APPL2: variants seen among roughly 807,000 people sequenced by gnomAD.
APPL2 encodes the protein adaptor protein, phosphotyrosine interacting with PH domain and leucine zipper 2, also known as DCC-interacting protein 13-beta.
In APPL2, 84 loss-of-function variants were observed where a neutral mutation model predicts 92.7. That is an observed-to-expected ratio of 0.91 (90% CI 0.76 to 1.09). APPL2 has a LOEUF of 1.09. Ranked by LOEUF, APPL2 falls within the 50% of genes least tolerant of loss-of-function variation. APPL2 has a pLI of 0.00. For synonymous variants in APPL2, 291 were observed against 291.0 expected (o/e 1.00, Z 0.00); for missense variants, 736 against 824.5 (o/e 0.89, Z 1.31).
intron 17 of APPL2, among the ~76,000 whole-genome samples, chr12:105,179,349 G>A (rs911688277): frequency 1.3e-5 from 2 of 152,176 alleles, no homozygotes; most frequent in Non-Finnish European, 2.9e-5. Context: ...GTATTCCTTG[G>A]TGTATATGTG....
intron 17 of APPL2, among the ~76,000 whole-genome samples, chr12:105,187,554 T>G (rs1886838158): frequency 1.3e-5 from 2 of 152,126 alleles, no homozygotes; most frequent in Non-Finnish European, 2.9e-5. Context: ...CCCTTAGAAA[T>G]GTAATGGAAG....
chr12:105,215,643 C>T (rs1889621957), intron 4 of APPL2, among the ~76,000 whole-genome samples: 1 of 152,210 alleles, frequency 6.6e-6, no homozygotes, highest in Non-Finnish European at 1.5e-5. Context: ...AAACTGAAGA[C>T]AGTATCTACT....
chr12:105,206,847 T>G (rs1293720737), intron 8 of APPL2: 4 of 519,852 alleles, frequency 7.7e-6, no homozygotes, highest in Non-Finnish European at 1.3e-5. Flanking sequence ...CCTCATTTCC[T>G]GAACATATGG....
chr12:105,201,471 T>C (rs189809597), intron 9 of APPL2, among the ~76,000 whole-genome samples: 4 of 152,170 alleles, frequency 2.6e-5, no homozygotes, highest in East Asian at 3.9e-4. Flanking sequence ...AGAAACCTCT[T>C]TGAAGATGTG....
rs569153005 is a variant in APPL2 at position 105,233,292 on chromosome 12, G to A, written c.54+2667C>T. On this transcript the variant is annotated intron_variant, in intron 1 of 20. Coordinates refer to ENST00000258530, the MANE Select transcript of APPL2 (RefSeq NM_018171.5). ...AGCCAGTAGTGCCAGGCAAGGAGCAGAGGCTTCTAAACAACAATGGAGGCA... is the reference window on the plus strand; with the variant it reads ...AGCCAGTAGTGCCAGGCAAGGAGCAAAGGCTTCTAAACAACAATGGAGGCA... 382 of 985,482 alleles carry A rather than the reference G, an allele frequency of 3.9e-4. 2 individuals carry two copies. The African/African-American group carries it at 6.4e-3, about 16-fold the overall frequency. 61.0% of individuals were successfully genotyped at this position (985,482 alleles called of 1,614,324 possible).
At chr12:105,175,921 C>T in intron 20 of APPL2, 114 bp downstream of exon 20, 1 of 1,063,360 alleles carries the variant, frequency 9.4e-7, no homozygotes, top group Non-Finnish European at 1.3e-6. Context: ...AAGGAAATCC[C>T]AAACTTGGCC....
intron 14 of APPL2, 118 bp downstream of exon 14, chr12:105,195,143 C>T: frequency 1.0e-6 from 1 of 986,966 alleles, no homozygotes; most frequent in South Asian, 1.4e-5. Context: ...GTTACTGCTT[C>T]TGTTAAACAG....
chr12:105,208,447 G>C (rs959351376), intron 5 of APPL2, among the ~76,000 whole-genome samples: 1 of 152,186 alleles, frequency 6.6e-6, no homozygotes, highest in African/African-American at 2.4e-5. Context: ...ATAGCGCTGA[G>C]GGTCTGTGAG....
At chr12:105,206,308 T>G (rs1220080415) in intron 8 of APPL2, among the ~76,000 whole-genome samples, 2 of 152,228 alleles carry the variant, frequency 1.3e-5, no homozygotes, top group Non-Finnish European at 1.5e-5. Context: ...TCGCATCCCC[T>G]TCTGTTCCTA....
At chr12:105,188,250 T>C in intron 17 of APPL2, 23 bp downstream of exon 17, 1 of 1,611,790 alleles carries the variant, frequency 6.2e-7, no homozygotes, top group South Asian at 1.1e-5. Context: ...CATAAGAAAG[T>C]CTGAAAATAA....
At chr12:105,230,030 A>G (rs770742906) in intron 1 of APPL2, among the ~76,000 whole-genome samples, 1 of 152,000 alleles carries the variant, frequency 6.6e-6, no homozygotes, top group Non-Finnish European at 1.5e-5. Context: ...TCCACCCACC[A>G]TGGCCTCCCA....
intron 14 of APPL2, among the ~76,000 whole-genome samples, chr12:105,194,782 TAAAAA>T (rs36104130): frequency 5.5e-5 from 8 of 144,516 alleles, no homozygotes; most frequent in South Asian, 2.2e-4. Flanking sequence ...TAGAAATAGT[TAAAAA>T]AAAAAAAAGT....
intron 9 of APPL2, among the ~76,000 whole-genome samples, chr12:105,199,975 T>G (rs926518203): frequency 3.3e-5 from 5 of 151,460 alleles, no homozygotes; most frequent in Middle Eastern, 3.2e-3. Flanking sequence ...CTCGCCACCA[T>G]GCCCGGCTAA....
intron 17 of APPL2, among the ~76,000 whole-genome samples, chr12:105,177,632 T>C (rs569806015): frequency 2.5e-4 from 38 of 152,324 alleles, no homozygotes; most frequent in Middle Eastern, 3.4e-3. Flanking sequence ...TTAATGTCCC[T>C]GAAGTGCAAG....
chr12:105,205,623 A>T (rs1339638886), intron 8 of APPL2, among the ~76,000 whole-genome samples: 2 of 152,228 alleles, frequency 1.3e-5, no homozygotes, highest in African/African-American at 4.8e-5. Flanking sequence ...ACCAGAGCTG[A>T]TCATCCTTCC....
intron 2 of APPL2, among the ~76,000 whole-genome samples, chr12:105,222,254 T>G (rs570053178): frequency 6.6e-6 from 1 of 152,108 alleles, no homozygotes; most frequent in East Asian, 1.9e-4. Flanking sequence ...GGCAGGAGTA[T>G]GAGAAGCTCA....
chr12:105,192,099 T>C (rs2440700), intron 14 of APPL2, among the ~76,000 whole-genome samples: 151,615 of 152,278 alleles, frequency 1, 75,484 homozygotes, highest in Middle Eastern at 1. Flanking sequence ...CTCTTCTTTT[T>C]TTTAAAAAAC....
chr12:105,191,583 C>A (rs1032530341), intron 14 of APPL2, among the ~76,000 whole-genome samples: 2 of 152,048 alleles, frequency 1.3e-5, no homozygotes, highest in Non-Finnish European at 2.9e-5. Context: ...GCCCTTATAC[C>A]GTCAGGTGGG....
At chr12:105,183,629 G>A (rs994901440) in intron 17 of APPL2, among the ~76,000 whole-genome samples, 13 of 152,212 alleles carry the variant, frequency 8.5e-5, no homozygotes, top group East Asian at 5.8e-4. Flanking sequence ...GAGATCCGCC[G>A]TTAGTCTGAT....
Sources: allele counts gnomAD v4.1 joint callset (sites outside exome capture counted in the v4.1 genomes callset), GRCh38; gene constraint gnomAD v4.1.1; transcripts MANE v1.5; gene names NCBI Gene and HGNC (gene_info 2026-07-23, HGNC 2026-07-21).